Variants in MTREX observed in about 807,000 individuals in gnomAD.
The protein encoded by MTREX is exosome RNA helicase MTR4.
In MTREX, 76 loss-of-function variants were observed where a neutral mutation model predicts 135.4. The ratio of observed to expected loss-of-function variants is 0.56; its 90% CI spans 0.47 to 0.68. The LOEUF is 0.68. Ranked by LOEUF, MTREX falls within the 30% of genes least tolerant of loss-of-function variation. The probability of loss-of-function intolerance (pLI) is 0.00; values close to 1 mark genes in which losing one functional copy is unlikely to be tolerated. For missense variants in MTREX, 920 were observed against 1,262.1 expected (o/e 0.73, Z 4.11); for synonymous variants, 404 against 401.6 (o/e 1.01, Z -0.07).
chr5:55,413,010 G>A (rs1750906901), intron 23 of MTREX, among the ~76,000 whole-genome samples: 2 of 151,790 alleles, frequency 1.3e-5, no homozygotes, highest in African/African-American at 4.8e-5. Flanking sequence ...TAAAATAAAG[G>A]CAGATATGTC....
At chr5:55,336,479 A>G (rs1415555932) in intron 5 of MTREX, among the ~76,000 whole-genome samples, 1 of 152,192 alleles carries the variant, frequency 6.6e-6, no homozygotes, top group Admixed American at 6.5e-5. Flanking sequence ...TTTTCCATCT[A>G]TTGAGGAAAT....
At chr5:55,363,559 G>A (rs1250330902) in intron 15 of MTREX, among the ~76,000 whole-genome samples, 1 of 152,064 alleles carries the variant, frequency 6.6e-6, no homozygotes, top group East Asian at 1.9e-4. Flanking sequence ...TTATTAGGCT[G>A]TCTCTTGATA....
At chr5:55,359,340 T>G (rs1749972152) in intron 15 of MTREX, among the ~76,000 whole-genome samples, 1 of 152,216 alleles carries the variant, frequency 6.6e-6, no homozygotes, top group South Asian at 2.1e-4. Context: ...ATAGGAAACT[T>G]TAATTAAAAA....
chr5:55,374,736 A>G (rs1750265930), intron 16 of MTREX, among the ~76,000 whole-genome samples: 1 of 152,192 alleles, frequency 6.6e-6, no homozygotes, highest in Non-Finnish European at 1.5e-5. Flanking sequence ...GCAACTATAT[A>G]TTTAACCCTT....
At position 55,424,892 on chromosome 5, in the gene MTREX, A is replaced by AT. The variant is rs1276222502; in HGVS notation, c.*120_*121insT. 49 of 699,908 alleles carry AT rather than the reference A, an allele frequency of 7.0e-5. No homozygotes were observed. The African/African-American group carries it at 7.0e-4, about 10-fold the overall frequency. The allele number at this position is 699,908 out of a possible 1,614,324, so 43.4% of individuals were successfully genotyped here. ...TACATTTTAATATGTATTATATTTA[A>AT]ATCAAACATCATTCATAGAAAGCAT... On this transcript the variant is annotated 3_prime_UTR_variant, in exon 27 of 27. Transcript: ENST00000230640.
intron 22 of MTREX, among the ~76,000 whole-genome samples, chr5:55,407,279 C>T (rs750146102): frequency 6.6e-6 from 1 of 152,156 alleles, no homozygotes; most frequent in African/African-American, 2.4e-5. Flanking sequence ...GCAGTGACTA[C>T]CCAGCCCTAG....
intron 5 of MTREX, among the ~76,000 whole-genome samples, chr5:55,339,541 C>T (rs1042880171): frequency 6.6e-6 from 1 of 152,268 alleles, no homozygotes; most frequent in East Asian, 1.9e-4. Context: ...TAATCAGAAC[C>T]TACCATAATT....
At chr5:55,388,695 A>G (rs1324845313) in intron 19 of MTREX, among the ~76,000 whole-genome samples, 1 of 152,210 alleles carries the variant, frequency 6.6e-6, no homozygotes, top group Non-Finnish European at 1.5e-5. Context: ...TTTTTGACCT[A>G]ACGATATTTT....
intron 16 of MTREX, among the ~76,000 whole-genome samples, chr5:55,374,264 T>TTATATA (rs763872215): frequency 0.027 from 3,750 of 139,554 alleles, 164 homozygotes; most frequent in African/African-American, 0.093. Flanking sequence ...CAAAAAACAT[T>TTATATA]TATATATATA....
chr5:55,368,172 A>G (rs1561199393), intron 16 of MTREX, among the ~76,000 whole-genome samples: 2 of 152,188 alleles, frequency 1.3e-5, no homozygotes, highest in South Asian at 2.1e-4. Flanking sequence ...AATTTCAGCC[A>G]GGTGTGGTGG....
intron 13 of MTREX, 25 bp from the exon 14 acceptor site, chr5:55,353,143 A>C: frequency 6.8e-7 from 1 of 1,467,582 alleles, no homozygotes; most frequent in Non-Finnish European, 9.2e-7. Context: ...TACATGTTTA[A>C]TTATAGAATT....
intron 13 of MTREX, among the ~76,000 whole-genome samples, chr5:55,352,698 T>C (rs1486673936): frequency 6.6e-6 from 1 of 152,210 alleles, no homozygotes; most frequent in Non-Finnish European, 1.5e-5. Context: ...ACTTTACTTA[T>C]ACATATATCC....
intron 11 of MTREX, among the ~76,000 whole-genome samples, chr5:55,348,089 T>C (rs1749768039): frequency 6.6e-6 from 1 of 152,102 alleles, no homozygotes; most frequent in African/African-American, 2.4e-5. Flanking sequence ...ACCATATCAC[T>C]AGGTAATTTA....
intron 1 of MTREX, among the ~76,000 whole-genome samples, chr5:55,316,795 AAAAG>A (rs369253625): frequency 1.3e-4 from 20 of 152,176 alleles, no homozygotes; most frequent in African/African-American, 4.3e-4. Context: ...GCAGTTAGGC[AAAAG>A]AAAGAAAGAA....
intron 25 of MTREX, among the ~76,000 whole-genome samples, chr5:55,417,291 T>G (rs1750980287): frequency 6.6e-6 from 1 of 152,138 alleles, no homozygotes; most frequent in Non-Finnish European, 1.5e-5. Context: ...TCTGTATAAT[T>G]TACATGTAAT....
intron 1 of MTREX, among the ~76,000 whole-genome samples, chr5:55,316,318 G>A (rs1335165304): frequency 3.3e-5 from 5 of 151,996 alleles, no homozygotes; most frequent in African/African-American, 1.2e-4. Context: ...TCAAAAATGG[G>A]CAGAGACACA....
intron 5 of MTREX, among the ~76,000 whole-genome samples, chr5:55,337,443 C>T (rs536534801): frequency 5.1e-4 from 77 of 152,158 alleles, no homozygotes; most frequent in Admixed American, 2.7e-3. Flanking sequence ...CTGTGCCTGG[C>T]GTAGAAATTT....
At chr5:55,415,449 A>C (rs1750952393) in intron 24 of MTREX, among the ~76,000 whole-genome samples, 1 of 152,214 alleles carries the variant, frequency 6.6e-6, no homozygotes. Flanking sequence ...AAAATCACTA[A>C]GAAATTTAAA....
At chr5:55,343,788 C>T (rs1326250726) in intron 8 of MTREX, among the ~76,000 whole-genome samples, 1 of 152,156 alleles carries the variant, frequency 6.6e-6, no homozygotes, top group African/African-American at 2.4e-5. Flanking sequence ...CATGAGTACA[C>T]AGAATTTCCC....
Sources: gnomAD v4.1 joint callset for allele counts (sites outside exome capture counted in the v4.1 genomes callset) on GRCh38, gnomAD v4.1.1 for gene constraint, MANE v1.5 for transcripts, NCBI Gene and HGNC (gene_info 2026-07-23, HGNC 2026-07-21) for gene names.